Variants in IL1RAPL2 observed in about 807,000 individuals in gnomAD.
The protein encoded by IL1RAPL2 is X-linked interleukin-1 receptor accessory protein-like 2.
Under a neutral mutation model 44.1 loss-of-function variants are expected in IL1RAPL2, and 3 were observed. That is an observed-to-expected ratio of 0.07 (90% CI 0.03 to 0.18). The LOEUF is 0.18. Ranked by LOEUF, IL1RAPL2 falls within the 10% of genes least tolerant of loss-of-function variation. The pLI is 1.00. For missense variants in IL1RAPL2, 391 were observed against 496.4 expected, an observed-to-expected ratio of 0.79 and a Z score of 2.02; for synonymous variants, 181 against 178.8, an observed-to-expected ratio of 1.01 and a Z score of -0.10.
intron 5 of IL1RAPL2, among the ~76,000 whole-genome samples, chrX:105,448,588 C>G (rs1185591573): frequency 9.0e-6 from 1 of 110,824 alleles, no homozygotes; most frequent in African/African-American, 3.3e-5. Flanking sequence ...TGGTCTCAAA[C>G]TGCTGACCTT....
chrX:105,363,715 TTA>T (rs981752505), intron 5 of IL1RAPL2, among the ~76,000 whole-genome samples: 1 of 110,878 alleles, frequency 9.0e-6, no homozygotes, highest in African/African-American at 3.3e-5. Context: ...AGCATATTTT[TTA>T]TATATCTCTT....
chrX:104,709,983 AG>A (rs1289924465), intron 2 of IL1RAPL2, among the ~76,000 whole-genome samples: 1 of 111,431 alleles, frequency 9.0e-6, no homozygotes, highest in African/African-American at 3.2e-5. Flanking sequence ...AATAAAAAAA[AG>A]AAACAAACAG....
chrX:105,640,140 A>G, intron 6 of IL1RAPL2, among the ~76,000 whole-genome samples: 1 of 111,069 alleles, frequency 9.0e-6, no homozygotes, highest in Non-Finnish European at 1.9e-5. Context: ...AATATATAGG[A>G]GGGAAATTTA....
intron 1 of IL1RAPL2, among the ~76,000 whole-genome samples, chrX:104,615,602 C>T (rs1929256562): frequency 9.0e-6 from 1 of 111,663 alleles, no homozygotes; most frequent in Non-Finnish European, 1.9e-5. Context: ...TGTACATTAC[C>T]ACATTTTCTT....
At chrX:104,774,618 A>G (rs1339551135) in intron 2 of IL1RAPL2, among the ~76,000 whole-genome samples, 2 of 112,182 alleles carry the variant, frequency 1.8e-5, no homozygotes, top group Non-Finnish European at 1.9e-5. Context: ...GTGCAGCACA[A>G]ATGATATACC....
At chrX:104,912,162 G>GTTTTGT (rs1569340992) in intron 2 of IL1RAPL2, among the ~76,000 whole-genome samples, 6 of 102,843 alleles carry the variant, frequency 5.8e-5, no homozygotes, top group African/African-American at 2.1e-4. Context: ...TTTTTCCTTT[G>GTTTTGT]TTTTGTTTTG....
intron 2 of IL1RAPL2, among the ~76,000 whole-genome samples, chrX:104,829,692 C>T (rs903789417): frequency 3.6e-5 from 4 of 112,400 alleles, no homozygotes; most frequent in South Asian, 3.7e-4. Context: ...CATAACACGA[C>T]GCGACGTTTT....
intron 2 of IL1RAPL2, among the ~76,000 whole-genome samples, chrX:104,754,239 G>A (rs757536166): frequency 1.8e-5 from 2 of 111,403 alleles, no homozygotes; most frequent in African/African-American, 3.2e-5. Context: ...TGATCATAGC[G>A]ATTTTTAAAA....
At chrX:104,856,039 G>A (rs1193148455) in intron 2 of IL1RAPL2, among the ~76,000 whole-genome samples, 1 of 110,599 alleles carries the variant, frequency 9.0e-6, no homozygotes, top group South Asian at 3.9e-4. Flanking sequence ...TGAGTTAAAT[G>A]AGGTAACACA....
At chrX:104,629,613 T>C (rs1929592902) in intron 1 of IL1RAPL2, among the ~76,000 whole-genome samples, 1 of 112,189 alleles carries the variant, frequency 8.9e-6, no homozygotes, top group Admixed American at 9.5e-5. Flanking sequence ...CCTAGGCCAA[T>C]GTCTTGAAGT....
intron 5 of IL1RAPL2, among the ~76,000 whole-genome samples, chrX:105,343,410 G>T (rs1042116683): frequency 9.0e-6 from 1 of 111,555 alleles, no homozygotes; most frequent in Admixed American, 9.6e-5. Context: ...ATCCATAAAA[G>T]TTACATAGTT....
intron 2 of IL1RAPL2, among the ~76,000 whole-genome samples, chrX:104,846,855 C>T (rs938471262): frequency 9.0e-6 from 1 of 111,620 alleles, no homozygotes; most frequent in African/African-American, 3.3e-5. Flanking sequence ...CTCTCCAGCA[C>T]CTGTTGTTTC....
chrX:104,874,279 CCTCTCTCTCT>C (rs59789265), intron 2 of IL1RAPL2, among the ~76,000 whole-genome samples: 43 of 76,313 alleles, frequency 5.6e-4, no homozygotes, highest in East Asian at 5.4e-3. Context: ...TGTCTGTATT[CCTCTCTCTCT>C]CTCTCTCTCT....
At chrX:104,870,928 G>T (rs1429663749) in intron 2 of IL1RAPL2, among the ~76,000 whole-genome samples, 1 of 110,863 alleles carries the variant, frequency 9.0e-6, no homozygotes, top group African/African-American at 3.3e-5. Flanking sequence ...GTGACACCAG[G>T]GTCCTGAGTT....
chrX:105,336,615 T>C (rs1205885997), intron 5 of IL1RAPL2, among the ~76,000 whole-genome samples: 1 of 111,764 alleles, frequency 8.9e-6, no homozygotes, highest in Non-Finnish European at 1.9e-5. Context: ...TATTCTGTAC[T>C]CCCCCTGGGT....
intron 2 of IL1RAPL2, among the ~76,000 whole-genome samples, chrX:104,663,234 A>G (rs1219471631): frequency 9.0e-6 from 1 of 111,624 alleles, no homozygotes; most frequent in Admixed American, 9.6e-5. Context: ...ATAACTGAGG[A>G]CGACCATAAA....
intron 2 of IL1RAPL2, among the ~76,000 whole-genome samples, chrX:104,875,505 A>G (rs769276156): frequency 4.4e-4 from 49 of 111,867 alleles, no homozygotes; most frequent in Non-Finnish European, 8.5e-4. Context: ...TCAGTTGTGT[A>G]TGTTGTTGTT....
chrX:104,878,879 G>A (rs1163144778), intron 2 of IL1RAPL2, among the ~76,000 whole-genome samples: 6 of 109,978 alleles, frequency 5.5e-5, no homozygotes, highest in Admixed American at 9.7e-5. Flanking sequence ...AGCAAGTTTC[G>A]AAAACGTGAG....
At chrX:104,689,448 G>A (rs1195598858) in intron 2 of IL1RAPL2, among the ~76,000 whole-genome samples, 3 of 111,468 alleles carry the variant, frequency 2.7e-5, no homozygotes, top group Non-Finnish European at 5.6e-5. Context: ...TAGTTGGAAA[G>A]GGCAAGCTGT....
Sources: gnomAD v4.1 joint callset for allele counts (sites outside exome capture counted in the v4.1 genomes callset) on GRCh38, gnomAD v4.1.1 for gene constraint, MANE v1.5 for transcripts, NCBI Gene and HGNC (gene_info 2026-07-23, HGNC 2026-07-21) for gene names.